The following NFASC variants were observed in gnomAD, a reference collection of about 807,000 sequenced individuals.
NFASC encodes neurofascin, also known as neurofascin homolog.
NFASC carries 43 observed loss-of-function variants against 147.5 expected under a neutral mutation model. The observed-to-expected ratio is 0.29, with a 90% confidence interval of 0.23 to 0.38. NFASC has a LOEUF of 0.38. Ranked by LOEUF, NFASC falls within the 10% of genes least tolerant of loss-of-function variation. The pLI is 1.00. For missense variants in NFASC, 1,320 were observed against 1,689.0 expected (o/e 0.78, Z 3.83); for synonymous variants, 622 against 665.5 (o/e 0.93, Z 1.01).
rs779749270 is a variant in NFASC, at chr1:204,979,426, C to T, written c.2043C>T (p.Tyr681=). ...QPGVWHDHSK[Y]PGSVNSAVLR... ...GGGTCTGGCATGACCATTCCAAGTACCCCGGCAGCGTTAACTCAGCCGTCC... is the reference window on the plus strand; with the variant it reads ...GGGTCTGGCATGACCATTCCAAGTATCCCGGCAGCGTTAACTCAGCCGTCC... Residue 681 remains tyrosine (Y), a synonymous_variant, in exon 19 of 30, where the codon TAC becomes TAT. Coordinates refer to ENST00000339876, the MANE Select transcript of NFASC (RefSeq NM_001005388.3). This position sits in a 1 kb window ranked among gnomAD's most constrained non-coding sequence, Gnocchi z 6.0. 25 of 1,613,992 alleles carry T rather than the reference C, an allele frequency of 1.5e-5. No individual in the cohort carries two copies. Among genetic ancestry groups the T allele is most frequent in the Non-Finnish European group, 2.1e-5 (25 of 1,180,026 alleles).
At chr1:204,909,656 A>C (rs777480831) in intron 1 of NFASC, among the ~76,000 whole-genome samples, 1 of 152,208 alleles carries the variant, frequency 6.6e-6, no homozygotes, top group Non-Finnish European at 1.5e-5. Flanking sequence ...TCCAGATTGC[A>C]ACAATTTTCT....
chr1:204,909,817 A>G (rs1207172492), intron 1 of NFASC, among the ~76,000 whole-genome samples: 1 of 151,636 alleles, frequency 6.6e-6, no homozygotes, highest in Non-Finnish European at 1.5e-5. Context: ...CAATTATTTC[A>G]GCATCATTTG....
chr1:204,978,845 A>C (rs1177504675), intron 17 of NFASC, 123 bp from the exon 18 acceptor site: 1 of 687,370 alleles, frequency 1.5e-6, no homozygotes, highest in East Asian at 2.7e-5. Context: ...CCCTCAGGGC[A>C]GGCTGGGGTT....
chr1:204,952,772 A>G (rs961947929), intron 5 of NFASC, among the ~76,000 whole-genome samples: 1 of 152,218 alleles, frequency 6.6e-6, no homozygotes, highest in African/African-American at 2.4e-5. Flanking sequence ...CCCCATCCTC[A>G]AAGTAGCATC....
At chr1:204,955,282 A>G (rs1315917411) in intron 7 of NFASC, among the ~76,000 whole-genome samples, 1 of 152,242 alleles carries the variant, frequency 6.6e-6, no homozygotes, top group Admixed American at 6.5e-5. Flanking sequence ...CAATACGTCC[A>G]AAGTGCTTAG....
chr1:204,944,846 G>A (rs903409247), intron 3 of NFASC: 3 of 160,022 alleles, frequency 1.9e-5, no homozygotes, highest in African/African-American at 7.2e-5. Flanking sequence ...CACCCTTCGG[G>A]CCCTCTTGGC....
chr1:205,002,857 C>A, intron 27 of NFASC, 109 bp downstream of exon 27: 1 of 836,794 alleles, frequency 1.2e-6, no homozygotes, highest in African/African-American at 1.7e-5. Flanking sequence ...TCCCCCACCC[C>A]ATTTCCCACC....
intron 2 of NFASC, 85 bp downstream of exon 2, chr1:204,920,825 T>G: frequency 1.4e-5 from 8 of 581,578 alleles, no homozygotes; most frequent in Non-Finnish European, 2.3e-5. Flanking sequence ...TTCTCTTTGA[T>G]AAGGGAAGCC....
At chr1:204,881,850 C>A (rs1022536370) in intron 1 of NFASC, among the ~76,000 whole-genome samples, 2 of 152,096 alleles carry the variant, frequency 1.3e-5, no homozygotes, top group Non-Finnish European at 2.9e-5. Flanking sequence ...TTGACAAGAA[C>A]CCCCCACCTT....
At chr1:204,963,298 G>A (rs1278004725) in intron 8 of NFASC, among the ~76,000 whole-genome samples, 1 of 152,218 alleles carries the variant, frequency 6.6e-6, no homozygotes, top group Admixed American at 6.5e-5. Flanking sequence ...TTGTTTTCAA[G>A]ATAATGGGGC....
intron 1 of NFASC, among the ~76,000 whole-genome samples, chr1:204,891,540 G>A (rs2082388834): frequency 6.6e-6 from 1 of 152,202 alleles, no homozygotes; most frequent in Admixed American, 6.5e-5. Context: ...TCGTGGCACT[G>A]TGGGGTGGTG....
chr1:205,007,491 AGAAAG>A (rs376253420), intron 27 of NFASC, among the ~76,000 whole-genome samples: 4 of 151,440 alleles, frequency 2.6e-5, no homozygotes, highest in African/African-American at 9.7e-5. Context: ...AAGAGAAAAA[AGAAAG>A]GGAGGGAGGG....
rs1387779624 is a variant in NFASC, at chr1:205,015,888, T to C, written c.3492-420T>C. Among the ~76,000 whole-genome samples, 1 of 152,112 alleles carries C rather than the reference T, an allele frequency of 6.6e-6. No homozygotes were observed. Among genetic ancestry groups the C allele is most frequent in the Non-Finnish European group, 1.5e-5 (1 of 68,022 alleles). On this transcript the variant is annotated intron_variant, in intron 29 of 29. Coordinates refer to ENST00000339876, the MANE Select transcript of NFASC (RefSeq NM_001005388.3). The surrounding 1 kb of genome is among the most constrained non-coding windows in gnomAD (Gnocchi z 4.0). ...GAGATCAAAGCTGGGCCAGCCCCTCTTGATGGACAGACTGAGGCCCAGGTC... is the reference window on the plus strand; with the variant it reads ...GAGATCAAAGCTGGGCCAGCCCCTCCTGATGGACAGACTGAGGCCCAGGTC...
intron 1 of NFASC, among the ~76,000 whole-genome samples, chr1:204,849,431 G>T (rs78316809): frequency 0.012 from 1,880 of 152,212 alleles, 32 homozygotes; most frequent in African/African-American, 0.042. Context: ...GCACTGGGGG[G>T]GCTTGTTAGA....
chr1:204,892,277 A>T (rs1331601210), intron 1 of NFASC, among the ~76,000 whole-genome samples: 1 of 152,176 alleles, frequency 6.6e-6, no homozygotes, highest in Non-Finnish European at 1.5e-5. Flanking sequence ...TCCTTAGCAA[A>T]TGTAGCAACA....
chr1:204,992,814 A>C (rs1424257255), intron 24 of NFASC, among the ~76,000 whole-genome samples: 1 of 152,126 alleles, frequency 6.6e-6, no homozygotes, highest in African/African-American at 2.4e-5. Context: ...TGTCTTGTTC[A>C]GTGGGCATCT....
At chr1:204,948,606 A>C (rs987888232) in intron 3 of NFASC, 8 of 518,514 alleles carry the variant, frequency 1.5e-5, no homozygotes, top group African/African-American at 1.4e-4. Context: ...AAAACAAAAA[A>C]CTCTGGACCA....
intron 26 of NFASC, 126 bp downstream of exon 26, chr1:205,001,412 T>C: frequency 1.5e-6 from 1 of 657,814 alleles, no homozygotes; most frequent in African/African-American, 1.8e-5. Flanking sequence ...TAGCCTGGCT[T>C]AATTATGGCT....
Position 205,019,899 on chromosome 1 carries a change from G to A in NFASC, c.*3360G>A, listed in dbSNP as rs112336736. 4,052 of 152,260 alleles carry A rather than the reference G, an allele frequency of 0.027. 74 individuals are homozygous for A. The highest frequency in any genetic ancestry group is 0.085 in the Middle Eastern group (25 of 294). The allele number at this position is 152,260 out of a possible 1,614,324, so 9.4% of individuals were successfully genotyped here. A position where few individuals can be genotyped will look rare whatever the true frequency, so the allele number is the denominator to read the frequency against. ...AATACCTCTTTCTACAGAGAGGCACGGGCTCCCCTGAAGGATTGTCGAGGC... is the reference window on the plus strand; with the variant it reads ...AATACCTCTTTCTACAGAGAGGCACAGGCTCCCCTGAAGGATTGTCGAGGC... On this transcript the variant is annotated 3_prime_UTR_variant, in exon 30 of 30. Coordinates refer to ENST00000339876, the MANE Select transcript of NFASC (RefSeq NM_001005388.3).
Sources: allele counts gnomAD v4.1 joint callset (sites outside exome capture counted in the v4.1 genomes callset), GRCh38; gene constraint gnomAD v4.1.1; non-coding constraint Gnocchi (gnomAD v3.1); transcripts MANE v1.5; gene names NCBI Gene and HGNC (gene_info 2026-07-23, HGNC 2026-07-21).